Variants in IL1RAPL2 observed in about 807,000 individuals in gnomAD.
IL1RAPL2 encodes the protein interleukin 1 receptor accessory protein like 2.
Under a neutral mutation model 44.1 loss-of-function variants are expected in IL1RAPL2, and 3 were observed. The ratio of observed to expected loss-of-function variants is 0.07; its 90% confidence interval spans 0.03 to 0.18. The LOEUF (loss-of-function observed/expected upper bound fraction) is 0.18. Among genes scored for constraint, IL1RAPL2 ranks in the 10% least tolerant of loss-of-function variants. The pLI is 1.00. For missense variants in IL1RAPL2, 391 were observed against 496.4 expected, an observed-to-expected ratio of 0.79 and a Z score of 2.02; for synonymous variants, 181 against 178.8, an observed-to-expected ratio of 1.01 and a Z score of -0.10.
At position 104,930,664 on chromosome X, in the gene IL1RAPL2, A is replaced by G. The variant is rs111425888; in HGVS notation, c.83-264811A>G. On this transcript the variant is annotated intron_variant, in intron 2 of 10. Coordinates refer to ENST00000372582, the MANE Select transcript of IL1RAPL2 (RefSeq NM_017416.2). ...TTTAGGCAGTATAACCTCAGAGTTCACAAAACTCTTACCCTTCGTATTATA... is the reference window on the plus strand; with the variant it reads ...TTTAGGCAGTATAACCTCAGAGTTCGCAAAACTCTTACCCTTCGTATTATA... Among the ~76,000 whole-genome samples the G allele has an allele frequency of 3.1e-3, 349 of 111,897 alleles. 2 individuals carry two copies. Among genetic ancestry groups the G allele is most frequent in the African/African-American group, 0.011 (331 of 30,821 alleles).
intron 2 of IL1RAPL2, among the ~76,000 whole-genome samples, chrX:104,733,793 A>G (rs1931967085): frequency 9.0e-6 from 1 of 110,980 alleles, no homozygotes; most frequent in South Asian, 3.8e-4. Context: ...AAAAGAGTTC[A>G]TCATAAAAAT....
intron 2 of IL1RAPL2, among the ~76,000 whole-genome samples, chrX:104,672,717 T>C (rs1488428644): frequency 2.9e-5 from 3 of 103,453 alleles, no homozygotes; most frequent in East Asian, 3.0e-4. Context: ...CCACCAACAG[T>C]GTAAAAGTGT....
intron 2 of IL1RAPL2, among the ~76,000 whole-genome samples, chrX:105,181,613 T>C (rs2033531118): frequency 8.9e-6 from 1 of 112,218 alleles, no homozygotes; most frequent in African/African-American, 3.2e-5. Context: ...CATGCATTTG[T>C]ACAACTTCCA....
At chrX:104,873,326 T>C (rs772653408) in intron 2 of IL1RAPL2, among the ~76,000 whole-genome samples, 1 of 111,932 alleles carries the variant, frequency 8.9e-6, no homozygotes, top group African/African-American at 3.2e-5. Flanking sequence ...TACTGTCACA[T>C]TGGGATTAGA....
intron 2 of IL1RAPL2, among the ~76,000 whole-genome samples, chrX:104,760,284 G>A (rs1932405065): frequency 8.9e-6 from 1 of 112,037 alleles, no homozygotes; most frequent in African/African-American, 3.2e-5. Context: ...TTCATTTCAT[G>A]TAGGTATATA....
At chrX:105,232,755 AG>A (rs1386776208) in intron 3 of IL1RAPL2, among the ~76,000 whole-genome samples, 2 of 112,375 alleles carry the variant, frequency 1.8e-5, no homozygotes, top group Non-Finnish European at 3.7e-5. Flanking sequence ...TTATTGAGAA[AG>A]TGTTAACCAA....
chrX:105,239,583 C>T (rs782615371), intron 4 of IL1RAPL2, among the ~76,000 whole-genome samples: 2 of 85,378 alleles, frequency 2.3e-5, no homozygotes, highest in South Asian at 1.0e-3. Flanking sequence ...GGCTGGTTAT[C>T]CATGTATAAG....
chrX:104,885,587 A>C (rs1446371504), intron 2 of IL1RAPL2, among the ~76,000 whole-genome samples: 1 of 111,833 alleles, frequency 8.9e-6, no homozygotes, highest in Non-Finnish European at 1.9e-5. Context: ...GTCCTGAACA[A>C]AATCTGGAGG....
intron 2 of IL1RAPL2, among the ~76,000 whole-genome samples, chrX:104,890,028 C>T (rs937873281): frequency 9.0e-6 from 1 of 111,183 alleles, no homozygotes; most frequent in Non-Finnish European, 1.9e-5. Context: ...CAATTCCCAC[C>T]TATGAGTGAG....
intron 2 of IL1RAPL2, among the ~76,000 whole-genome samples, chrX:105,017,850 TG>T (rs1229639119): frequency 2.7e-5 from 3 of 109,366 alleles, no homozygotes; most frequent in Non-Finnish European, 5.7e-5. Flanking sequence ...GTAGGAAGTT[TG>T]GAAAAAAGTG....
intron 2 of IL1RAPL2, among the ~76,000 whole-genome samples, chrX:104,891,959 G>A (rs1357109666): frequency 1.8e-5 from 2 of 111,377 alleles, no homozygotes; most frequent in African/African-American, 3.3e-5. Context: ...ATTATTTTGA[G>A]ATATATCCCA....
intron 2 of IL1RAPL2, among the ~76,000 whole-genome samples, chrX:104,909,052 C>CT (rs1370907110): frequency 1.8e-5 from 2 of 110,579 alleles, no homozygotes; most frequent in Non-Finnish European, 3.8e-5. Flanking sequence ...TCTTTTTATT[C>CT]TTTTTTCTCT....
chrX:104,748,180 G>C (rs1208421882), intron 2 of IL1RAPL2, among the ~76,000 whole-genome samples: 8 of 111,394 alleles, frequency 7.2e-5, no homozygotes, highest in African/African-American at 2.6e-4. Flanking sequence ...ACATGTTAGG[G>C]AGGAAATTTA....
At chrX:104,895,797 C>A (rs1440221649) in intron 2 of IL1RAPL2, among the ~76,000 whole-genome samples, 1 of 111,774 alleles carries the variant, frequency 8.9e-6, no homozygotes, top group African/African-American at 3.3e-5. Context: ...CTGTCCTGCC[C>A]CCACTGTCGG....
At chrX:105,182,736 G>C (rs2033545718) in intron 2 of IL1RAPL2, among the ~76,000 whole-genome samples, 1 of 111,757 alleles carries the variant, frequency 8.9e-6, no homozygotes, top group African/African-American at 3.3e-5. Context: ...TATCATTGCT[G>C]TTTGTTGGTT....
intron 2 of IL1RAPL2, among the ~76,000 whole-genome samples, chrX:104,874,230 A>G (rs1922840987): frequency 9.3e-6 from 1 of 107,585 alleles, no homozygotes; most frequent in Non-Finnish European, 1.9e-5. Context: ...TATCTTGTCT[A>G]TTTACAGACC....
intron 2 of IL1RAPL2, among the ~76,000 whole-genome samples, chrX:104,665,766 C>T (rs1305625517): frequency 9.0e-6 from 1 of 110,865 alleles, no homozygotes; most frequent in Non-Finnish European, 1.9e-5. Context: ...ATTGTGTGGA[C>T]TTATAATAAA....
intron 2 of IL1RAPL2, among the ~76,000 whole-genome samples, chrX:104,879,426 C>T (rs1347887279): frequency 1.0e-5 from 1 of 97,368 alleles, no homozygotes; most frequent in Non-Finnish European, 2.0e-5. Flanking sequence ...ATTGACAGCA[C>T]TTTGGTGTCT....
chrX:104,667,197 G>T lies in IL1RAPL2; in HGVS notation c.82+8202G>T, dbSNP rs180800324. Among the ~76,000 whole-genome samples the T allele has an allele frequency of 9.2e-4, 103 of 111,462 alleles. 1 individual carries two copies. In the Admixed American group the frequency reaches 9.4e-3, roughly 10 times the overall value. On this transcript the variant is annotated intron_variant, in intron 2 of 10. Coordinates refer to ENST00000372582, the MANE Select transcript of IL1RAPL2 (RefSeq NM_017416.2). Reference sequence around the variant, plus strand: ...CCTTAAGATGAATGGCATGTATTTGGCATCTCTACTTTGTGGAGAAACAAG... The same window carrying T: ...CCTTAAGATGAATGGCATGTATTTGTCATCTCTACTTTGTGGAGAAACAAG...
Sources: gnomAD v4.1 joint callset for allele counts (sites outside exome capture counted in the v4.1 genomes callset) on GRCh38, gnomAD v4.1.1 for gene constraint, MANE v1.5 for transcripts, NCBI Gene and HGNC (gene_info 2026-07-23, HGNC 2026-07-21) for gene names.